The following SUN2 variants were observed in gnomAD, a reference collection of about 807,000 sequenced individuals.
SUN2 encodes SUN domain-containing protein 2.
A neutral mutation model predicts 100.0 loss-of-function variants in SUN2; 60 were observed. That is an observed-to-expected ratio of 0.60 (90% CI 0.49 to 0.74). SUN2 has a LOEUF of 0.74. SUN2 is among the 30% of genes least tolerant of loss of function. The probability of loss-of-function intolerance (pLI) is 0.00; values close to 1 mark genes in which losing one functional copy is unlikely to be tolerated. For synonymous variants in SUN2, 367 were observed against 403.3 expected (o/e 0.91, Z 1.08); for missense variants, 834 against 954.6 (o/e 0.87, Z 1.66).
rs746010276 is a variant in SUN2, at chr22:38,737,977, G to A, written c.2040+196C>T. The A allele has an allele frequency of 5.6e-6, 4 of 709,830 alleles. No individual in the cohort carries two copies. In the South Asian group the frequency reaches 6.0e-5, roughly 11 times the overall value. The allele number at this position is 709,830 out of a possible 1,614,324, so 44.0% of individuals were successfully genotyped here. A position where few individuals can be genotyped will look rare whatever the true frequency, so the allele number is the denominator to read the frequency against. Reference sequence around the variant, plus strand: ...AAGCTTCCCTCATGCTGCCCTTCTGGAAGGTGCCTTCCCCTGTGCTGACGT... The same window carrying A: ...AAGCTTCCCTCATGCTGCCCTTCTGAAAGGTGCCTTCCCCTGTGCTGACGT... On this transcript the variant is annotated intron_variant, in intron 17 of 17. Transcript: ENST00000689035. This position sits in a 1 kb window ranked among gnomAD's most constrained non-coding sequence, Gnocchi z 4.1.
In SUN2 at chr22:38,739,291, G is replaced by A. The variant is rs551621045; in HGVS notation, c.1663+51C>T. 6 of 1,579,530 alleles carry A rather than the reference G, an allele frequency of 3.8e-6. No homozygotes were observed. The highest frequency in any genetic ancestry group is 1.7e-4 in the Middle Eastern group (1 of 5,978). The stretch of plus-strand genomic sequence containing the variant: ...CCAACCTGGTAGATGCCAGGGGACC[G>A]GCCATTGCGGGGTCCAGGACAAGGC... On this transcript the variant is annotated intron_variant, in intron 14 of 17. Coordinates refer to ENST00000689035, the MANE Select transcript of SUN2 (RefSeq NM_015374.3). This position sits in a 1 kb window ranked among gnomAD's most constrained non-coding sequence, Gnocchi z 6.7.
chr22:38,742,896 A>T, intron 8 of SUN2: 1 of 229,288 alleles, frequency 4.4e-6, no homozygotes, highest in Non-Finnish European at 8.6e-6. Context: ...GGATGGCTGC[A>T]GGGGGCCGTG....
At chr22:38,745,073 G>A (rs1287126520) in intron 8 of SUN2, 2 of 471,062 alleles carry the variant, frequency 4.2e-6, no homozygotes, top group Non-Finnish European at 8.8e-6. Flanking sequence ...GAATGTGGCG[G>A]GAGTGACGGT....
intron 5 of SUN2, 125 bp downstream of exon 5, chr22:38,750,100 T>C: frequency 7.0e-7 from 1 of 1,426,456 alleles, no homozygotes; most frequent in Non-Finnish European, 9.4e-7. Context: ...GTGATTATTC[T>C]AGAATGACCT....
Position 38,736,386 on chromosome 22 carries a change from T to A in SUN2, c.2041-6A>T. 1 of 1,609,456 alleles carries A rather than the reference T, an allele frequency of 6.2e-7. No individual in the cohort carries two copies. The highest frequency in any genetic ancestry group is 8.5e-7 in the Non-Finnish European group (1 of 1,177,654). ...TACGTGGCCATCGTAGGGGCCTGGG[T>A]AGAGAAGAAAGGGATTAAGAGCATC... On this transcript the variant is annotated splice_polypyrimidine_tract_variant and splice_region_variant and intron_variant, in intron 17 of 17. Coordinates refer to ENST00000689035, the MANE Select transcript of SUN2 (RefSeq NM_015374.3).
chr22:38,740,621 A>T lies in SUN2; in HGVS notation c.1191-189T>A. ...TGCAGAACCCCTGCCTGTCCCAAGG[A>T]GCTAATTCTGAGCCTGCTCCCTTTC... On this transcript the variant is annotated intron_variant, in intron 11 of 17. Transcript: ENST00000689035. This position sits in a 1 kb window ranked among gnomAD's most constrained non-coding sequence, Gnocchi z 4.8. 1.7e-6 allele frequency: 1 copy of T among 604,220 alleles called. No homozygotes were observed. Among genetic ancestry groups the T allele is most frequent in the Non-Finnish European group, 2.8e-6 (1 of 357,040 alleles). The allele number at this position is 604,220 out of a possible 1,614,324, so 37.4% of individuals were successfully genotyped here.
At position 38,740,440 on chromosome 22, in the gene SUN2, CAG is replaced by C. The variant is rs1220075694; in HGVS notation, c.1191-10_1191-9del. 1 of 1,484,100 alleles carries C rather than the reference CAG, an allele frequency of 6.7e-7. No homozygotes were observed. Among genetic ancestry groups the C allele is most frequent in the Non-Finnish European group, 9.0e-7 (1 of 1,109,508 alleles). The allele number at this position is 1,484,100 out of a possible 1,614,324, so 91.9% of individuals were successfully genotyped here. On this transcript the variant is annotated splice_polypyrimidine_tract_variant and intron_variant, in intron 11 of 17. Transcript: ENST00000689035. This position sits in a 1 kb window ranked among gnomAD's most constrained non-coding sequence, Gnocchi z 4.8. ...AAGGACTCCTGGGTCATGCTGGTCCCAGAGAGAGAAGAGTAAGCCTCGGATCT... is the reference window on the plus strand; with the variant it reads ...AAGGACTCCTGGGTCATGCTGGTCCCAGAGAGAAGAGTAAGCCTCGGATCT...
rs1839650493 is a variant in SUN2, at chr22:38,738,728, C to T, written c.1806G>A (p.Trp602Ter). Residue 602 changes from tryptophan (W) to a stop codon, truncating the protein, a stop_gained, in exon 16 of 18, where the codon TGG becomes TGA. Transcript: ENST00000689035. LOFTEE classifies it high-confidence loss of function. This position sits in a 1 kb window ranked among gnomAD's most constrained non-coding sequence, Gnocchi z 6.6. ...CGAAGCCTTGTGGCCCCTGGAAGGC[C>T]CAGCAGTTGCCTGGGTGCACATCTG... Reference protein sequence around the residue: ...LQPDVHPGNCWAFQGPQGFAV... With the variant: ...LQPDVHPGNC 1 of 1,613,566 alleles carries T rather than the reference C, an allele frequency of 6.2e-7. No individual in the cohort carries two copies. The highest frequency in any genetic ancestry group is 1.1e-5 in the South Asian group (1 of 91,078).
chr22:38,738,453 C>A lies in SUN2; in HGVS notation c.1947+134G>T. The A allele has an allele frequency of 7.8e-7, 1 of 1,287,254 alleles. No individual in the cohort carries two copies. The highest frequency in any genetic ancestry group is 1.4e-5 in the South Asian group (1 of 73,074). 79.7% of individuals were successfully genotyped at this position (1,287,254 alleles called of 1,614,324 possible). A position where few individuals can be genotyped will look rare whatever the true frequency, so the allele number is the denominator to read the frequency against. On this transcript the variant is annotated intron_variant, in intron 16 of 17. Coordinates refer to ENST00000689035, the MANE Select transcript of SUN2 (RefSeq NM_015374.3). This position sits in a 1 kb window ranked among gnomAD's most constrained non-coding sequence, Gnocchi z 6.6. ...TAACAGGGACTGAAGTGCTGTCTCC[C>A]ACCCTAGCTCCTCCTCTTCCAAATC...
In SUN2 at chr22:38,735,015, C is replaced by T. The variant is rs1170618635; in HGVS notation, c.*1252G>A. 1 of 296,950 alleles carries T rather than the reference C, an allele frequency of 3.4e-6. No individual in the cohort carries two copies. Among genetic ancestry groups the T allele is most frequent in the Non-Finnish European group, 6.7e-6 (1 of 150,052 alleles). The allele number at this position is 296,950 out of a possible 1,614,324, so 18.4% of individuals were successfully genotyped here. A position where few individuals can be genotyped will look rare whatever the true frequency, so the allele number is the denominator to read the frequency against. ...AGTGCCCCAGGCCCCTCTCCACGGC[C>T]AGGAACAAGAAACTGAGTATCACCC... On this transcript the variant is annotated 3_prime_UTR_variant, in exon 18 of 18. Coordinates refer to ENST00000689035, the MANE Select transcript of SUN2 (RefSeq NM_015374.3).
At chr22:38,742,692 C>A in intron 8 of SUN2, 137 bp from the exon 9 acceptor site, 1 of 1,188,136 alleles carries the variant, frequency 8.4e-7, no homozygotes, top group South Asian at 1.6e-5. Flanking sequence ...CATGCAGGGC[C>A]GGCTGGAGCT....
chr22:38,741,867 G>A (rs574364355), intron 9 of SUN2, among the ~76,000 whole-genome samples: 39 of 152,364 alleles, frequency 2.6e-4, no homozygotes, highest in Middle Eastern at 3.4e-3. Flanking sequence ...GAGGCCTGGC[G>A]TGGTGGCTCA....
In SUN2 at chr22:38,735,664, A is replaced by C. The variant is rs972813517; in HGVS notation, c.*603T>G. 2 of 167,692 alleles carry C rather than the reference A, an allele frequency of 1.2e-5. No individual in the cohort carries two copies. The highest frequency in any genetic ancestry group is 1.2e-4 in the Admixed American group (2 of 17,262). The allele number at this position is 167,692 out of a possible 1,614,324, so 10.4% of individuals were successfully genotyped here. On this transcript the variant is annotated 3_prime_UTR_variant, in exon 18 of 18. Transcript: ENST00000689035. ...ACAAGAAGCCCCATGGCCCACTGCTACCCTCCCCGGGACAAATACACACTT... is the reference window on the plus strand; with the variant it reads ...ACAAGAAGCCCCATGGCCCACTGCTCCCCTCCCCGGGACAAATACACACTT...
intron 8 of SUN2, chr22:38,745,155 A>G: frequency 2.1e-6 from 1 of 471,186 alleles, no homozygotes; most frequent in South Asian, 1.5e-5. Context: ...CCTGGGTGCG[A>G]TGAGAAACAG....
At chr22:38,748,873 G>A (rs2092923536) in intron 6 of SUN2, 90 bp from the exon 7 acceptor site, 1 of 1,305,356 alleles carries the variant, frequency 7.7e-7, no homozygotes, top group South Asian at 1.2e-5. Flanking sequence ...ACCCTGAGAT[G>A]TTTTCCTGGG....
At position 38,738,027 on chromosome 22, in the gene SUN2, T is replaced by G; in HGVS notation, c.2040+146A>C. ...TCTGCAGGATGCGTGTTACACCCCA[T>G]TTGGATATCACATCTTGAGCTGTGG... On this transcript the variant is annotated intron_variant, in intron 17 of 17. Coordinates refer to ENST00000689035, the MANE Select transcript of SUN2 (RefSeq NM_015374.3). This position sits in a 1 kb window ranked among gnomAD's most constrained non-coding sequence, Gnocchi z 6.6. 2 of 769,948 alleles carry G rather than the reference T, an allele frequency of 2.6e-6. No homozygotes were observed. The highest frequency in any genetic ancestry group is 1.7e-5 in the African/African-American group (1 of 58,678). The allele number at this position is 769,948 out of a possible 1,614,324, so 47.7% of individuals were successfully genotyped here.
intron 17 of SUN2, 153 bp from the exon 18 acceptor site, chr22:38,736,533 A>G (rs763276124): frequency 1.9e-5 from 11 of 574,154 alleles, no homozygotes; most frequent in Non-Finnish European, 3.3e-5. Flanking sequence ...AAAAGCTCCT[A>G]TCTTTAGCCT....
In SUN2 at chr22:38,739,431, A is replaced by G; in HGVS notation, c.1579-5T>C. 1 of 1,612,902 alleles carries G rather than the reference A, an allele frequency of 6.2e-7. No individual in the cohort carries two copies. The highest frequency in any genetic ancestry group is 8.5e-7 in the Non-Finnish European group (1 of 1,179,966). On this transcript the variant is annotated splice_polypyrimidine_tract_variant and splice_region_variant and intron_variant, in intron 13 of 17. Transcript: ENST00000689035. The surrounding 1 kb of genome is among the most constrained non-coding windows in gnomAD (Gnocchi z 6.7). ...CTTCACGATGTGGTGCACCTGCTGC[A>G]ATGCAGGCACCAGGAGACGGTTGCA...
At position 38,738,409 on chromosome 22, in the gene SUN2, C is replaced by T; in HGVS notation, c.1948-144G>A. 1.8e-6 allele frequency: 2 copies of T among 1,106,516 alleles called. No homozygotes were observed. Among genetic ancestry groups the T allele is most frequent in the Non-Finnish European group, 1.3e-6 (1 of 768,194 alleles). 68.5% of individuals were successfully genotyped at this position (1,106,516 alleles called of 1,614,324 possible). Reference sequence around the variant, plus strand: ...ACTTCACTCTCTTGTGCCACAGTTTCTGCCTCCAAAGCCTAAGGTAACAGG... The same window carrying T: ...ACTTCACTCTCTTGTGCCACAGTTTTTGCCTCCAAAGCCTAAGGTAACAGG... On this transcript the variant is annotated intron_variant, in intron 16 of 17. Coordinates refer to ENST00000689035, the MANE Select transcript of SUN2 (RefSeq NM_015374.3). The surrounding 1 kb of genome is among the most constrained non-coding windows in gnomAD (Gnocchi z 6.6).
Sources: gnomAD v4.1 joint callset for allele counts (sites outside exome capture counted in the v4.1 genomes callset) on GRCh38, gnomAD v4.1.1 for gene constraint, Gnocchi (gnomAD v3.1) non-coding constraint, MANE v1.5 for transcripts, NCBI Gene and HGNC (gene_info 2026-07-23, HGNC 2026-07-21) for gene names.